DISC1: variants seen among roughly 807,000 people sequenced by gnomAD.
DISC1 encodes DISC1 scaffold protein.
A neutral mutation model predicts 84.5 loss-of-function variants in DISC1; 57 were observed. The ratio of observed to expected loss-of-function variants is 0.67; its 90% CI spans 0.55 to 0.84. The LOEUF (loss-of-function observed/expected upper bound fraction) is 0.84, where lower values mean the gene tolerates loss of function less well. Among genes scored for constraint, DISC1 ranks in the 40% least tolerant of loss-of-function variants. The pLI is 0.00. For missense variants in DISC1, 1,000 were observed against 1,057.8 expected (o/e 0.95, Z 0.76); for synonymous variants, 411 against 415.2 (o/e 0.99, Z 0.12).
At position 231,666,714 on chromosome 1, in the gene DISC1, C is replaced by T. The variant is rs572705441; in HGVS notation, c.68-27112C>T. 5.9e-5 allele frequency among the ~76,000 whole-genome samples: 9 copies of T among 152,208 alleles called. No individual in the cohort carries two copies. The East Asian group carries it at 1.2e-3, about 20-fold the overall frequency. On this transcript the variant is annotated intron_variant, in intron 1 of 12. Transcript: ENST00000439617. ...TCGATACATGACACCTCTGTGACCT[C>T]GCCAGCTTGAAGGATAAAATGAAAG...
chr1:231,728,061 A>T (rs1023357224), intron 3 of DISC1, among the ~76,000 whole-genome samples: 1 of 152,188 alleles, frequency 6.6e-6, no homozygotes, highest in Non-Finnish European at 1.5e-5. Context: ...TCTTAAGCAG[A>T]TAAATCAGTT....
At chr1:231,931,645 ATT>A (rs10652394) in intron 9 of DISC1, among the ~76,000 whole-genome samples, 7 of 137,894 alleles carry the variant, frequency 5.1e-5, no homozygotes, top group East Asian at 2.2e-4. Context: ...ACTGCTTGTG[ATT>A]TTTTTTTTTT....
At position 231,677,750 on chromosome 1, in the gene DISC1, G is replaced by A. The variant is rs542673001; in HGVS notation, c.68-16076G>A. ...TCCAAGCACTTTGGGAGGCCAAGGC[G>A]GGTGGATCGCCTGAGGTCAGGAGTT... On this transcript the variant is annotated intron_variant, in intron 1 of 12. Coordinates refer to ENST00000439617, the MANE Select transcript of DISC1 (RefSeq NM_018662.3). 5.3e-5 allele frequency among the ~76,000 whole-genome samples: 8 copies of A among 152,314 alleles called. No homozygotes were observed. In the East Asian group the frequency reaches 1.5e-3, roughly 29 times the overall value.
At chr1:231,956,654 A>C (rs193007113) in intron 9 of DISC1, among the ~76,000 whole-genome samples, 15 of 152,318 alleles carry the variant, frequency 9.8e-5, no homozygotes, top group African/African-American at 3.6e-4. Flanking sequence ...TAATGACTTA[A>C]CATCACCATT....
chr1:231,738,589 T>G (rs2072833366), intron 3 of DISC1, among the ~76,000 whole-genome samples: 1 of 152,210 alleles, frequency 6.6e-6, no homozygotes, highest in Non-Finnish European at 1.5e-5. Context: ...CTCCCGCCAC[T>G]GTGGATGGTA....
chr1:231,713,399 A>G (rs1001642668), intron 3 of DISC1, among the ~76,000 whole-genome samples: 1 of 152,154 alleles, frequency 6.6e-6, no homozygotes, highest in Non-Finnish European at 1.5e-5. Flanking sequence ...GAAAACATGG[A>G]CAAAGAACTA....
intron 11 of DISC1, among the ~76,000 whole-genome samples, chr1:232,023,618 G>A (rs1669171524): frequency 6.6e-6 from 1 of 152,126 alleles, no homozygotes; most frequent in South Asian, 2.1e-4. Flanking sequence ...AAACAGGCAG[G>A]AATTATATGT....
At chr1:232,023,370 A>T (rs1030092453) in intron 11 of DISC1, among the ~76,000 whole-genome samples, 3 of 152,144 alleles carry the variant, frequency 2.0e-5, no homozygotes, top group African/African-American at 2.4e-5. Flanking sequence ...TCATCTTTGC[A>T]TGAAAAATCT....
intron 3 of DISC1, among the ~76,000 whole-genome samples, chr1:231,713,698 TAGG>T (rs1251836345): frequency 9.2e-6 from 1 of 108,448 alleles, no homozygotes; most frequent in African/African-American, 4.2e-5. Flanking sequence ...TATATATATA[TAGG>T]AGATATATAT....
At chr1:231,682,461 A>G (rs988568095) in intron 1 of DISC1, among the ~76,000 whole-genome samples, 3 of 152,162 alleles carry the variant, frequency 2.0e-5, no homozygotes, top group Non-Finnish European at 4.4e-5. Context: ...CAGGCATGGT[A>G]TAGCACGGTT....
At chr1:231,948,338 C>T (rs4658893) in intron 9 of DISC1, among the ~76,000 whole-genome samples, 22,190 of 151,976 alleles carry the variant, frequency 0.15, 1,932 homozygotes, top group East Asian at 0.41. Context: ...CACCATTCTC[C>T]GCAAACTATC....
chr1:231,935,615 C>A (rs1558753520), intron 9 of DISC1, among the ~76,000 whole-genome samples: 1 of 152,166 alleles, frequency 6.6e-6, no homozygotes, highest in African/African-American at 2.4e-5. Flanking sequence ...AAAGCCAATT[C>A]GGTGAGTAGA....
At chr1:231,907,129 TCC>T (rs1491325789) in intron 9 of DISC1, among the ~76,000 whole-genome samples, 516 of 46,646 alleles carry the variant, frequency 0.011, 8 homozygotes, top group African/African-American at 0.045. Context: ...CTTCCTTCCT[TCC>T]TCTTTCTTTC....
intron 10 of DISC1, chr1:231,959,248 G>A (rs1236549504): frequency 1.1e-5 from 11 of 1,000,820 alleles, no homozygotes; most frequent in Non-Finnish European, 1.2e-5. Context: ...ATTTTAAGGC[G>A]GTTTATACAT....
chr1:231,741,696 G>A (rs1371543011), intron 3 of DISC1, among the ~76,000 whole-genome samples: 1 of 152,172 alleles, frequency 6.6e-6, no homozygotes, highest in Non-Finnish European at 1.5e-5. Flanking sequence ...TCTGATGGAT[G>A]AGGTAGACTT....
chr1:231,641,932 TCC>T, intron 1 of DISC1, among the ~76,000 whole-genome samples: 1 of 152,262 alleles, frequency 6.6e-6, no homozygotes, highest in African/African-American at 2.4e-5. Context: ...TGCCTGCCAG[TCC>T]CCTGCCGTGT....
chr1:231,957,052 G>A (rs915615764), intron 9 of DISC1, among the ~76,000 whole-genome samples: 3 of 152,222 alleles, frequency 2.0e-5, no homozygotes. Flanking sequence ...TTGATAGGGA[G>A]TGGCAAGGTT....
At chr1:231,853,593 T>C (rs896717437) in intron 9 of DISC1, among the ~76,000 whole-genome samples, 9 of 152,236 alleles carry the variant, frequency 5.9e-5, no homozygotes, top group African/African-American at 2.2e-4. Context: ...TACATGACTG[T>C]ACTAGCATTA....
At chr1:231,997,596 G>C (rs1666119167) in intron 10 of DISC1, among the ~76,000 whole-genome samples, 1 of 152,076 alleles carries the variant, frequency 6.6e-6, no homozygotes, top group African/African-American at 2.4e-5. Context: ...TCGGGGTTTT[G>C]AGGCTAGACA....
Sources: allele counts gnomAD v4.1 joint callset (sites outside exome capture counted in the v4.1 genomes callset), GRCh38; gene constraint gnomAD v4.1.1; transcripts MANE v1.5; gene names NCBI Gene and HGNC (gene_info 2026-07-23, HGNC 2026-07-21).